The following NPSR1 variants were observed in gnomAD, a reference collection of about 807,000 sequenced individuals.
The protein encoded by NPSR1 is neuropeptide S receptor.
In NPSR1, 48 loss-of-function variants were observed where a neutral mutation model predicts 46.9. The observed-to-expected ratio is 1.02, with a 90% CI of 0.81 to 1.30. The LOEUF is 1.30. NPSR1 is among the 50% of genes most tolerant of loss of function. NPSR1 has a pLI of 0.00. For missense variants in NPSR1, 450 were observed against 449.5 expected (o/e 1.00, Z -0.01); for synonymous variants, 176 against 168.1 (o/e 1.05, Z -0.36).
rs1227312630 is a variant in NPSR1 at position 34,658,338 on chromosome 7, G to C, written c.-75G>C. ...TCAGCAGAGCTGCAGCTGCTGCCCA[G>C]CTCTCAGGAGGCAAGCTGGACTCCC... On this transcript the variant is annotated 5_prime_UTR_variant, in exon 1 of 9. Transcript: ENST00000360581. 38 of 1,550,386 alleles carry C rather than the reference G, an allele frequency of 2.5e-5. No homozygotes were observed. The highest frequency in any genetic ancestry group is 3.3e-5 in the Non-Finnish European group (38 of 1,134,522).
In NPSR1 at chr7:34,792,635, G is replaced by A. The variant is rs1349470087; in HGVS notation, c.384+14070G>A. 2.1e-4 allele frequency among the ~76,000 whole-genome samples: 16 copies of A among 74,920 alleles called. 1 individual carries two copies. Among genetic ancestry groups the A allele is most frequent in the African/African-American group, 3.2e-4 (7 of 22,104 alleles). 49.2% of individuals were successfully genotyped at this position (74,920 alleles called of 152,430 possible). On this transcript the variant is annotated intron_variant, in intron 3 of 8. Transcript: ENST00000360581. ...TATATGTGTATATGTGTGTGTGTGT[G>A]TATGTGTATATATATATGTATATAT... is the stretch of plus-strand genomic sequence containing the variant.
At chr7:34,736,241 G>A (rs541048702) in intron 2 of NPSR1, among the ~76,000 whole-genome samples, 25 of 152,032 alleles carry the variant, frequency 1.6e-4, no homozygotes, top group African/African-American at 2.2e-4. Flanking sequence ...TGCCCTCCCC[G>A]TCTCCTCTAG....
intron 1 of NPSR1, 77 bp downstream of exon 1, chr7:34,658,636 T>C: frequency 1.4e-6 from 2 of 1,403,072 alleles, no homozygotes; most frequent in Non-Finnish European, 2.0e-6. Context: ...TCAATTGAAG[T>C]ATCATAGCCA....
intron 3 of NPSR1, among the ~76,000 whole-genome samples, chr7:34,790,995 T>A (rs1408374261): frequency 0.022 from 2,249 of 103,838 alleles, 215 homozygotes; most frequent in African/African-American, 0.095. Context: ...ATTATATATG[T>A]TATATGTTAT....
chr7:34,726,245 G>A (rs953211011), intron 2 of NPSR1, among the ~76,000 whole-genome samples: 1 of 152,140 alleles, frequency 6.6e-6, no homozygotes, highest in African/African-American at 2.4e-5. Context: ...GATGGCAAAT[G>A]AACATATGAA....
intron 3 of NPSR1, among the ~76,000 whole-genome samples, chr7:34,787,033 C>T (rs895091122): frequency 6.6e-6 from 1 of 152,118 alleles, no homozygotes; most frequent in South Asian, 2.1e-4. Flanking sequence ...TCCTTTGAAG[C>T]TTTGAAGCCA....
At chr7:34,704,657 G>C (rs10242733) in intron 2 of NPSR1, among the ~76,000 whole-genome samples, 1 of 152,182 alleles carries the variant, frequency 6.6e-6, no homozygotes, top group African/African-American at 2.4e-5. Context: ...ACAGTTTCTT[G>C]TGTTGACAGA....
At chr7:34,751,184 G>T in intron 2 of NPSR1, 2 of 1,105,668 alleles carry the variant, frequency 1.8e-6, no homozygotes, top group East Asian at 2.4e-5. Flanking sequence ...GGAGTCCAGG[G>T]GTCCACCAGA....
intron 2 of NPSR1, among the ~76,000 whole-genome samples, chr7:34,707,794 A>G (rs180737945): frequency 7.9e-5 from 12 of 152,210 alleles, no homozygotes; most frequent in African/African-American, 2.2e-4. Flanking sequence ...AGGATGCTGT[A>G]TTAGTTTGCT....
intron 2 of NPSR1, among the ~76,000 whole-genome samples, chr7:34,726,560 G>C (rs1003610811): frequency 2.0e-5 from 3 of 152,126 alleles, no homozygotes; most frequent in African/African-American, 7.2e-5. Context: ...ATCTGCACAT[G>C]AATGTTTATA....
chr7:34,838,724 A>G (rs1790465231), intron 6 of NPSR1, among the ~76,000 whole-genome samples: 1 of 152,234 alleles, frequency 6.6e-6, no homozygotes, highest in Admixed American at 6.5e-5. Context: ...AAGAAAAAGA[A>G]CTGTATCATA....
At chr7:34,819,260 T>C (rs1789426385) in intron 4 of NPSR1, among the ~76,000 whole-genome samples, 1 of 152,160 alleles carries the variant, frequency 6.6e-6, no homozygotes, top group South Asian at 2.1e-4. Context: ...GCAAAGGATA[T>C]GAACAGACAC....
chr7:34,725,183 GAATGCAGATACAACT>G (rs1183371787), intron 2 of NPSR1, among the ~76,000 whole-genome samples: 1 of 151,944 alleles, frequency 6.6e-6, no homozygotes, highest in African/African-American at 2.4e-5. Context: ...GCCAGAGGGT[GAATGCAGATACAACT>G]TTCATAACCA....
At chr7:34,750,656 A>G in intron 2 of NPSR1, 1 of 695,694 alleles carries the variant, frequency 1.4e-6, no homozygotes, top group East Asian at 2.9e-5. Flanking sequence ...TAGCTTGCCC[A>G]TAACTGACAA....
At chr7:34,716,969 C>A (rs923992187) in intron 2 of NPSR1, among the ~76,000 whole-genome samples, 1 of 152,114 alleles carries the variant, frequency 6.6e-6, no homozygotes, top group Non-Finnish European at 1.5e-5. Context: ...GGTGAAGAAG[C>A]GAGGCAGTGC....
intron 2 of NPSR1, among the ~76,000 whole-genome samples, chr7:34,727,805 A>G (rs1012126371): frequency 6.6e-6 from 1 of 152,214 alleles, no homozygotes; most frequent in Non-Finnish European, 1.5e-5. Context: ...CTCACCACAC[A>G]TTAAAGTGCC....
chr7:34,821,258 C>T (rs1038815495), intron 4 of NPSR1, among the ~76,000 whole-genome samples: 5 of 151,770 alleles, frequency 3.3e-5, no homozygotes, highest in African/African-American at 1.2e-4. Flanking sequence ...CCTCAGCCTC[C>T]CGAGTAGCTG....
At chr7:34,686,505 C>T (rs1476691689) in intron 2 of NPSR1, among the ~76,000 whole-genome samples, 1 of 152,094 alleles carries the variant, frequency 6.6e-6, no homozygotes, top group Non-Finnish European at 1.5e-5. Flanking sequence ...AACTGAGGGG[C>T]CCTGTGCTTT....
intron 3 of NPSR1, among the ~76,000 whole-genome samples, chr7:34,797,033 T>C (rs1788204133): frequency 6.6e-6 from 1 of 152,204 alleles, no homozygotes; most frequent in African/African-American, 2.4e-5. Flanking sequence ...AAAGGTTACG[T>C]GTCTCATGCA....
Sources: allele counts gnomAD v4.1 joint callset (sites outside exome capture counted in the v4.1 genomes callset), GRCh38; gene constraint gnomAD v4.1.1; transcripts MANE v1.5; gene names NCBI Gene and HGNC (gene_info 2026-07-23, HGNC 2026-07-21).